CEPT1: variants seen among roughly 807,000 people sequenced by gnomAD.
The protein encoded by CEPT1 is choline/ethanolaminephosphotransferase 1.
In CEPT1, 7 loss-of-function variants were observed where a neutral mutation model predicts 42.6. The observed-to-expected ratio is 0.16, with a 90% CI of 0.09 to 0.31. The LOEUF is 0.31. CEPT1 is among the 10% of genes least tolerant of loss of function. The pLI is 1.00. For synonymous variants in CEPT1, 171 were observed against 171.9 expected, an observed-to-expected ratio of 0.99 and a Z score of 0.04; for missense variants, 306 against 502.1, an observed-to-expected ratio of 0.61 and a Z score of 3.73.
intron 5 of CEPT1, among the ~76,000 whole-genome samples, chr1:111,175,951 T>G (rs903260102): frequency 3.3e-5 from 5 of 152,190 alleles, no homozygotes; most frequent in African/African-American, 1.2e-4. Flanking sequence ...TCAGATTAAT[T>G]TTAAAGTATA....
chr1:111,164,664 C>T (rs1656042393), intron 4 of CEPT1, among the ~76,000 whole-genome samples: 1 of 143,204 alleles, frequency 7.0e-6, no homozygotes, highest in South Asian at 2.5e-4. Flanking sequence ...TGCTCTGTTT[C>T]CCAGGCTGGA....
At position 111,174,783 on chromosome 1, in the gene CEPT1, A is replaced by G. The variant is rs1242925538; in HGVS notation, c.630-96A>G. On this transcript the variant is annotated intron_variant, in intron 4 of 8. Coordinates refer to ENST00000357172, the MANE Select transcript of CEPT1 (RefSeq NM_006090.5). ...TCAATATTTGAGATTTTTTTTTTCT[A>G]TTGTGCATGATAGAGGAATGCTGCT... is the stretch of plus-strand genomic sequence containing the variant. The G allele has an allele frequency of 6.2e-6, 4 of 644,864 alleles. No homozygotes were observed. In the South Asian group the frequency reaches 7.2e-5, roughly 12 times the overall value. The allele number at this position is 644,864 out of a possible 1,614,324, so 39.9% of individuals were successfully genotyped here. A position where few individuals can be genotyped will look rare whatever the true frequency, so the allele number is the denominator to read the frequency against.
At chr1:111,154,713 C>T (rs1462934521) in intron 2 of CEPT1, among the ~76,000 whole-genome samples, 1 of 152,156 alleles carries the variant, frequency 6.6e-6, no homozygotes, top group African/African-American at 2.4e-5. Context: ...TGAATTTTAT[C>T]AAATGCTTTT....
chr1:111,159,142 C>T (rs1375317166), intron 2 of CEPT1, among the ~76,000 whole-genome samples: 1 of 149,752 alleles, frequency 6.7e-6, no homozygotes, highest in Non-Finnish European at 1.5e-5. Flanking sequence ...GTCTCGATCT[C>T]CTGACCTCGT....
chr1:111,175,603 C>G (rs759776629), intron 5 of CEPT1, among the ~76,000 whole-genome samples: 10 of 152,162 alleles, frequency 6.6e-5, no homozygotes, highest in Non-Finnish European at 1.3e-4. Context: ...TAATCTGTTG[C>G]GTAACTCTCT....
At chr1:111,151,128 G>GT (rs34545608) in intron 2 of CEPT1, among the ~76,000 whole-genome samples, 27,328 of 134,958 alleles carry the variant, frequency 0.2, 2,834 homozygotes, top group Middle Eastern at 0.27. Context: ...TTTTTTGTTT[G>GT]TTTTTTTTTT....
At chr1:111,182,378 T>C in intron 6 of CEPT1, 60 bp downstream of exon 6, 1 of 1,520,900 alleles carries the variant, frequency 6.6e-7, no homozygotes, top group Middle Eastern at 1.8e-4. Flanking sequence ...TTGTTGTCAT[T>C]TTGTTTTTTA....
intron 5 of CEPT1, 130 bp downstream of exon 5, chr1:111,175,093 A>G (rs1255121816): frequency 4.6e-6 from 3 of 648,960 alleles, no homozygotes; most frequent in Non-Finnish European, 8.4e-6. Context: ...GTAGAACACA[A>G]CTTCTCTTTA....
At chr1:111,171,344 G>T (rs949212117) in intron 4 of CEPT1, among the ~76,000 whole-genome samples, 1 of 152,252 alleles carries the variant, frequency 6.6e-6, no homozygotes, top group African/African-American at 2.4e-5. Flanking sequence ...TTGTAGTGAC[G>T]AAGACCTCCT....
intron 2 of CEPT1, among the ~76,000 whole-genome samples, chr1:111,150,831 T>C (rs1287383102): frequency 3.3e-5 from 5 of 152,192 alleles, no homozygotes; most frequent in Admixed American, 2.0e-4. Flanking sequence ...TCTCTTTTTA[T>C]ATGGAGAGCC....
chr1:111,153,386 T>G (rs1655390360), intron 2 of CEPT1, among the ~76,000 whole-genome samples: 1 of 152,156 alleles, frequency 6.6e-6, no homozygotes, highest in Non-Finnish European at 1.5e-5. Context: ...TTTTGTATTT[T>G]TAGTTGAGAT....
chr1:111,172,158 C>A (rs13375151), intron 4 of CEPT1, among the ~76,000 whole-genome samples: 1,969 of 152,256 alleles, frequency 0.013, 43 homozygotes, highest in African/African-American at 0.044. Flanking sequence ...AAATCTAATG[C>A]GACACATAAG....
At chr1:111,182,412 TTAATTTA>T in intron 6 of CEPT1, 94 bp downstream of exon 6, 2 of 1,325,320 alleles carry the variant, frequency 1.5e-6, no homozygotes, top group Non-Finnish European at 2.1e-6. Context: ...AAATCATTTG[TTAATTTA>T]TAATTTATAC....
chr1:111,150,485 C>G (rs1375725165), intron 2 of CEPT1, among the ~76,000 whole-genome samples: 1 of 152,062 alleles, frequency 6.6e-6, no homozygotes, highest in Admixed American at 6.6e-5. Flanking sequence ...TCTTTATCAT[C>G]ATGTTGGAGT....
At chr1:111,163,358 A>G (rs898193569) in intron 4 of CEPT1, among the ~76,000 whole-genome samples, 1 of 152,244 alleles carries the variant, frequency 6.6e-6, no homozygotes, top group Non-Finnish European at 1.5e-5. Context: ...GGCCAGGCAC[A>G]GTGGCTTATG....
chr1:111,183,058 T>C, intron 7 of CEPT1, 101 bp downstream of exon 7: 1 of 1,179,636 alleles, frequency 8.5e-7, no homozygotes, highest in Admixed American at 2.4e-5. Context: ...GGTCCTAGAG[T>C]TTGCCCTCTT....
intron 2 of CEPT1, among the ~76,000 whole-genome samples, chr1:111,153,178 A>T (rs1232071952): frequency 6.6e-6 from 1 of 151,844 alleles, no homozygotes; most frequent in Admixed American, 6.6e-5. Context: ...CTTTACTTCT[A>T]TGAGCATTTT....
intron 2 of CEPT1, among the ~76,000 whole-genome samples, chr1:111,154,635 T>G (rs747997226): frequency 1.3e-5 from 2 of 152,190 alleles, no homozygotes; most frequent in Non-Finnish European, 2.9e-5. Context: ...TCATATATGG[T>G]CCTTGTTGTG....
rs1657195602 is a variant in CEPT1, at chr1:111,185,008, T to TCAGTGGAAAG, written c.*699_*708dup. The TCAGTGGAAAG allele has an allele frequency of 6.6e-6, 1 of 152,556 alleles. No individual in the cohort carries two copies. Among genetic ancestry groups the TCAGTGGAAAG allele is most frequent in the Non-Finnish European group, 1.5e-5 (1 of 68,012 alleles). 9.5% of individuals were successfully genotyped at this position (152,556 alleles called of 1,614,324 possible). A position where few individuals can be genotyped will look rare whatever the true frequency, so the allele number is the denominator to read the frequency against. On this transcript the variant is annotated 3_prime_UTR_variant, in exon 9 of 9. Transcript: ENST00000357172. ...AAAGCCAACTTTTTCTCAGTTTTAC[T>TCAGTGGAAAG]CAGTGGAAAGATAAACTAAGTTTTA... is the stretch of plus-strand genomic sequence containing the variant.
Sources: allele counts gnomAD v4.1 joint callset (sites outside exome capture counted in the v4.1 genomes callset), GRCh38; gene constraint gnomAD v4.1.1; transcripts MANE v1.5; gene names NCBI Gene and HGNC (gene_info 2026-07-23, HGNC 2026-07-21).